Variants in CREB5 observed in about 807,000 individuals in gnomAD.
CREB5 encodes the protein cAMP responsive element binding protein 5, also known as cyclic AMP-responsive element-binding protein 5.
CREB5 carries 19 observed loss-of-function variants against 57.1 expected under a neutral mutation model. The ratio of observed to expected loss-of-function variants is 0.33; its 90% CI spans 0.23 to 0.49. CREB5 has a LOEUF of 0.49. CREB5 is among the 20% of genes least tolerant of loss of function. The pLI is 0.99. For synonymous variants in CREB5, 238 were observed against 238.3 expected (o/e 1.00, Z 0.01); for missense variants, 579 against 671.6 (o/e 0.86, Z 1.52).
At chr7:28,558,928 G>A (rs1794975292) in intron 4 of CREB5, among the ~76,000 whole-genome samples, 1 of 152,132 alleles carries the variant, frequency 6.6e-6, no homozygotes, top group Admixed American at 6.5e-5. Flanking sequence ...AGTAATTCTA[G>A]AATAGGCCAT....
chr7:28,320,244 T>C (rs1235412460), intron 1 of CREB5, among the ~76,000 whole-genome samples: 2 of 152,134 alleles, frequency 1.3e-5, no homozygotes, highest in Non-Finnish European at 2.9e-5. Context: ...TTATGTAATC[T>C]TGATGTAACA....
At chr7:28,534,068 G>A (rs920160890) in intron 4 of CREB5, among the ~76,000 whole-genome samples, 1 of 152,158 alleles carries the variant, frequency 6.6e-6, no homozygotes, top group African/African-American at 2.4e-5. Flanking sequence ...GACAACACTG[G>A]GGGGAAGAGT....
At chr7:28,349,454 C>T (rs552006712) in intron 1 of CREB5, among the ~76,000 whole-genome samples, 63 of 151,630 alleles carry the variant, frequency 4.2e-4, no homozygotes, top group African/African-American at 1.5e-3. Flanking sequence ...TCTAGTATCC[C>T]GTTGTGGTGG....
At chr7:28,654,757 A>C (rs1237522801) in intron 5 of CREB5, among the ~76,000 whole-genome samples, 1 of 152,206 alleles carries the variant, frequency 6.6e-6, no homozygotes, top group Non-Finnish European at 1.5e-5. Context: ...CCAATGAGGC[A>C]CCCTGATGAA....
At chr7:28,776,711 C>T (rs1806672875) in intron 7 of CREB5, among the ~76,000 whole-genome samples, 1 of 152,220 alleles carries the variant, frequency 6.6e-6, no homozygotes, top group Admixed American at 6.5e-5. Flanking sequence ...TTGCCTTCCT[C>T]ACCAGCGTCT....
In CREB5 at chr7:28,425,141, C is replaced by T. The variant is rs73090567; in HGVS notation, c.3+12224C>T. Among the ~76,000 whole-genome samples, 1,509 of 151,966 alleles carry T rather than the reference C, an allele frequency of 9.9e-3. 15 individuals are homozygous for T. The highest frequency in any genetic ancestry group is 0.017 in the Non-Finnish European group (1,135 of 67,972). ...GCCAGTAAGCACATGAAAATATGTC[C>T]AACATCACTACCTATCAGGGTTACT... On this transcript the variant is annotated intron_variant, in intron 1 of 10. Coordinates refer to ENST00000357727, the MANE Select transcript of CREB5 (RefSeq NM_182898.4).
In CREB5 at chr7:28,667,437, T is replaced by C. The variant is rs150116898; in HGVS notation, c.465-51316T>C. Among the ~76,000 whole-genome samples the C allele has an allele frequency of 6.4e-4, 97 of 152,076 alleles. 1 individual carries two copies. Among genetic ancestry groups the C allele is most frequent in the Non-Finnish European group, 1.2e-3 (84 of 68,002 alleles). Reference sequence around the variant, plus strand: ...TTTTGGAATAAAAAGCACTTGTTAATATATAAAAGAAACTGTGGGCATATT... The same window carrying C: ...TTTTGGAATAAAAAGCACTTGTTAACATATAAAAGAAACTGTGGGCATATT... On this transcript the variant is annotated intron_variant, in intron 5 of 10. Coordinates refer to ENST00000357727, the MANE Select transcript of CREB5 (RefSeq NM_182898.4).
At chr7:28,753,115 A>C (rs1356115619) in intron 7 of CREB5, among the ~76,000 whole-genome samples, 1 of 152,164 alleles carries the variant, frequency 6.6e-6, no homozygotes, top group Non-Finnish European at 1.5e-5. Context: ...TCCTAAGAAA[A>C]TAATCACAGA....
chr7:28,643,751 T>A (rs375660917), intron 5 of CREB5, among the ~76,000 whole-genome samples: 1 of 133,528 alleles, frequency 7.5e-6, no homozygotes. Flanking sequence ...GTTTGGGAGG[T>A]GGGGGGGGGC....
intron 1 of CREB5, among the ~76,000 whole-genome samples, chr7:28,367,063 C>T (rs1247199523): frequency 2.6e-5 from 4 of 152,192 alleles, no homozygotes; most frequent in African/African-American, 9.7e-5. Flanking sequence ...TCGGCATACT[C>T]TTAAGACCCC....
chr7:28,587,509 TA>T (rs1331257632), intron 5 of CREB5, among the ~76,000 whole-genome samples: 2 of 141,938 alleles, frequency 1.4e-5, no homozygotes, highest in East Asian at 2.1e-4. Flanking sequence ...TTAAAAAAAA[TA>T]CATTTTGTAA....
At chr7:28,344,296 A>G (rs1255083525) in intron 1 of CREB5, among the ~76,000 whole-genome samples, 2 of 152,238 alleles carry the variant, frequency 1.3e-5, no homozygotes, top group African/African-American at 4.8e-5. Flanking sequence ...TACATTTAAC[A>G]CTTTAATCCA....
chr7:28,524,166 G>A (rs932122877), intron 4 of CREB5, among the ~76,000 whole-genome samples: 1 of 152,172 alleles, frequency 6.6e-6, no homozygotes, highest in Non-Finnish European at 1.5e-5. Context: ...GACAGCTTTA[G>A]TATACACTTC....
chr7:28,358,957 C>T (rs1157635202), intron 1 of CREB5, among the ~76,000 whole-genome samples: 1 of 152,154 alleles, frequency 6.6e-6, no homozygotes, highest in Non-Finnish European at 1.5e-5. Flanking sequence ...TCTCATTTTT[C>T]CTTCTTTCTT....
At chr7:28,320,546 G>A (rs1038455266) in intron 1 of CREB5, among the ~76,000 whole-genome samples, 5 of 152,170 alleles carry the variant, frequency 3.3e-5, no homozygotes, top group Admixed American at 6.5e-5. Context: ...CTACTGGCCT[G>A]TGTTACATAA....
intron 1 of CREB5, among the ~76,000 whole-genome samples, chr7:28,332,830 A>G (rs900633383): frequency 2.0e-5 from 3 of 152,188 alleles, no homozygotes; most frequent in African/African-American, 4.8e-5. Flanking sequence ...CCTGGTTTTC[A>G]TTGTATGGAT....
intron 7 of CREB5, among the ~76,000 whole-genome samples, chr7:28,772,871 G>A (rs1426043369): frequency 6.6e-6 from 1 of 152,104 alleles, no homozygotes; most frequent in East Asian, 1.9e-4. Context: ...TTGGATTTAA[G>A]TGACACTTGT....
chr7:28,592,412 C>G (rs1224238896), intron 5 of CREB5, among the ~76,000 whole-genome samples: 1 of 152,106 alleles, frequency 6.6e-6, no homozygotes, highest in Non-Finnish European at 1.5e-5. Context: ...AAGCAGCAGG[C>G]GCTTTTACTT....
intron 5 of CREB5, among the ~76,000 whole-genome samples, chr7:28,679,105 G>A (rs1364727360): frequency 1.4e-5 from 2 of 141,318 alleles, no homozygotes; most frequent in Non-Finnish European, 3.0e-5. Flanking sequence ...AACAGCCAGC[G>A]GAGTATATTT....
Sources: gnomAD v4.1 joint callset for allele counts (sites outside exome capture counted in the v4.1 genomes callset) on GRCh38, gnomAD v4.1.1 for gene constraint, MANE v1.5 for transcripts, NCBI Gene and HGNC (gene_info 2026-07-23, HGNC 2026-07-21) for gene names.